LRP1B: variants seen among roughly 807,000 people sequenced by gnomAD.
LRP1B encodes the protein LDL receptor related protein 1B, also known as low-density lipoprotein receptor-related protein 1B.
LRP1B carries 217 observed loss-of-function variants against 556.6 expected under a neutral mutation model. That is an observed-to-expected ratio of 0.39 (90% CI 0.35 to 0.44). The LOEUF is 0.44. Among genes scored for constraint, LRP1B ranks in the 20% least tolerant of loss-of-function variants. The pLI, the probability that LRP1B is intolerant of heterozygous loss-of-function variation, is 1.00. For synonymous variants in LRP1B, 2,047 were observed against 1,865.8 expected (o/e 1.10, Z -2.50); for missense variants, 5,053 against 5,620.8 (o/e 0.90, Z 3.23).
chr2:140,929,387 G>A (rs1694982098), intron 20 of LRP1B, among the ~76,000 whole-genome samples: 1 of 151,936 alleles, frequency 6.6e-6, no homozygotes, highest in South Asian at 2.1e-4. Flanking sequence ...GTCAGGCAGA[G>A]GAAAAAATTA....
intron 3 of LRP1B, among the ~76,000 whole-genome samples, chr2:141,343,709 C>T (rs1488294094): frequency 6.6e-6 from 1 of 152,152 alleles, no homozygotes; most frequent in Admixed American, 6.5e-5. Context: ...GCACTATGTC[C>T]AGTCTGCTTT....
intron 66 of LRP1B, among the ~76,000 whole-genome samples, chr2:140,404,768 A>G (rs746565052): frequency 6.6e-6 from 1 of 152,210 alleles, no homozygotes; most frequent in Admixed American, 6.5e-5. Context: ...ACCAAAAGGG[A>G]GCAGGAGTAG....
At chr2:140,886,666 A>G (rs1424885637) in intron 23 of LRP1B, among the ~76,000 whole-genome samples, 1 of 152,106 alleles carries the variant, frequency 6.6e-6, no homozygotes, top group Non-Finnish European at 1.5e-5. Flanking sequence ...AATGCTCAGA[A>G]AAGTCACCAT....
chr2:141,980,164 T>C (rs904521441), intron 1 of LRP1B, among the ~76,000 whole-genome samples: 1 of 152,120 alleles, frequency 6.6e-6, no homozygotes, highest in African/African-American at 2.4e-5. Flanking sequence ...TTATTAGCAA[T>C]GCCCTTGAGA....
At chr2:141,706,704 G>T (rs1398403112) in intron 2 of LRP1B, among the ~76,000 whole-genome samples, 1 of 151,982 alleles carries the variant, frequency 6.6e-6, no homozygotes. Context: ...TTAATTCTTC[G>T]ATATTCTCTC....
At chr2:140,491,364 G>GTA (rs1165760175) in intron 57 of LRP1B, among the ~76,000 whole-genome samples, 3 of 151,752 alleles carry the variant, frequency 2.0e-5, no homozygotes, top group African/African-American at 4.8e-5. Context: ...GTGTGTGTGT[G>GTA]TATATATATA....
At chr2:140,849,771 C>T (rs572031647) in intron 29 of LRP1B, among the ~76,000 whole-genome samples, 2 of 152,136 alleles carry the variant, frequency 1.3e-5, no homozygotes, top group African/African-American at 4.8e-5. Flanking sequence ...AACTCCTGAC[C>T]TCAAGTGATC....
At chr2:141,285,446 T>TC (rs1284062178) in intron 3 of LRP1B, among the ~76,000 whole-genome samples, 1 of 126,520 alleles carries the variant, frequency 7.9e-6, no homozygotes, top group Non-Finnish European at 1.8e-5. Flanking sequence ...GTGAGAATAA[T>TC]TTTTTTTTCT....
Position 141,918,314 on chromosome 2 carries a change from G to T in LRP1B, c.83-107913C>A, listed in dbSNP as rs57411874. ...CCTAAAAAAAGAAAATCAACTTCAT[G>T]ACATAGCAAATATACTGTGCACGGT... On this transcript the variant is annotated intron_variant, in intron 1 of 90. Transcript: ENST00000389484. 2.7e-3 allele frequency among the ~76,000 whole-genome samples: 414 copies of T among 151,906 alleles called. 1 individual carries two copies. Among genetic ancestry groups the T allele is most frequent in the African/African-American group, 9.2e-3 (383 of 41,474 alleles).
At chr2:140,266,327 T>A (rs2104936779) in intron 86 of LRP1B, among the ~76,000 whole-genome samples, 1 of 152,186 alleles carries the variant, frequency 6.6e-6, no homozygotes, top group East Asian at 1.9e-4. Context: ...CTTTGAACTG[T>A]CTGGAGTTGA....
intron 7 of LRP1B, among the ~76,000 whole-genome samples, chr2:141,142,316 T>G (rs935244541): frequency 6.6e-6 from 1 of 152,340 alleles, no homozygotes. Context: ...GTTCAATTTC[T>G]AACTTGTTTG....
intron 2 of LRP1B, among the ~76,000 whole-genome samples, chr2:141,570,229 C>A (rs893862896): frequency 1.3e-5 from 2 of 151,042 alleles, no homozygotes; most frequent in Non-Finnish European, 3.0e-5. Context: ...AAAATTGACT[C>A]TCTCATCAAA....
intron 35 of LRP1B, among the ~76,000 whole-genome samples, chr2:140,761,183 G>A (rs553508737): frequency 1.3e-5 from 2 of 152,292 alleles, no homozygotes; most frequent in Admixed American, 6.5e-5. Flanking sequence ...TCAAGACAAT[G>A]ACCATAAACT....
intron 35 of LRP1B, among the ~76,000 whole-genome samples, chr2:140,756,037 G>A (rs111966662): frequency 0.044 from 6,678 of 151,798 alleles, 229 homozygotes; most frequent in South Asian, 0.096. Context: ...TACAAAAATC[G>A]ATTGCACTTC....
At chr2:141,609,726 C>G (rs2105320267) in intron 2 of LRP1B, among the ~76,000 whole-genome samples, 1 of 152,162 alleles carries the variant, frequency 6.6e-6, no homozygotes, top group African/African-American at 2.4e-5. Flanking sequence ...CTTTTTTCCT[C>G]TAATGGTGAT....
intron 3 of LRP1B, among the ~76,000 whole-genome samples, chr2:141,263,959 C>CA (rs1684795390): frequency 6.6e-6 from 1 of 152,054 alleles, no homozygotes; most frequent in Non-Finnish European, 1.5e-5. Context: ...CAACCCTTGG[C>CA]AATGTAGTAA....
intron 15 of LRP1B, among the ~76,000 whole-genome samples, chr2:140,995,973 AG>A (rs1697233664): frequency 1.3e-5 from 2 of 152,056 alleles, no homozygotes; most frequent in East Asian, 1.9e-4. Flanking sequence ...AAAAGGGTAG[AG>A]GGGGGCATGT....
intron 3 of LRP1B, among the ~76,000 whole-genome samples, chr2:141,475,552 C>G (rs1682667633): frequency 6.6e-6 from 1 of 152,046 alleles, no homozygotes; most frequent in Admixed American, 6.5e-5. Context: ...AAACCCACGG[C>G]CCTAAATGGG....
At chr2:140,470,436 G>A (rs191246346) in intron 60 of LRP1B, among the ~76,000 whole-genome samples, 5 of 152,050 alleles carry the variant, frequency 3.3e-5, no homozygotes, top group Middle Eastern at 3.4e-3. Context: ...AAGAGGTCGG[G>A]AGATCAAGAC....
Sources: allele counts gnomAD v4.1 joint callset (sites outside exome capture counted in the v4.1 genomes callset), GRCh38; gene constraint gnomAD v4.1.1; transcripts MANE v1.5; gene names NCBI Gene and HGNC (gene_info 2026-07-23, HGNC 2026-07-21).